COL24A1: variants seen among roughly 807,000 people sequenced by gnomAD.
The protein encoded by COL24A1 is collagen type XXIV alpha 1 chain, also known as collagen alpha-1(XXIV) chain.
COL24A1 carries 224 observed loss-of-function variants against 253.9 expected under a neutral mutation model. The observed-to-expected ratio is 0.88, with a 90% CI of 0.79 to 0.99. The LOEUF (loss-of-function observed/expected upper bound fraction) is 0.99, where lower values mean the gene tolerates loss of function less well. Ranked by LOEUF, COL24A1 falls within the 50% of genes least tolerant of loss-of-function variation. The pLI is 0.00. For synonymous variants in COL24A1, 685 were observed against 673.7 expected, an observed-to-expected ratio of 1.02 and a Z score of -0.26; for missense variants, 2,131 against 2,068.5, an observed-to-expected ratio of 1.03 and a Z score of -0.59.
chr1:86,081,860 G>A (rs1702663596), intron 7 of COL24A1, among the ~76,000 whole-genome samples: 1 of 152,160 alleles, frequency 6.6e-6, no homozygotes, highest in Non-Finnish European at 1.5e-5. Flanking sequence ...ACCAGACAAA[G>A]TAAGGACTGC....
intron 20 of COL24A1, among the ~76,000 whole-genome samples, chr1:85,977,080 G>T (rs936903353): frequency 6.6e-6 from 1 of 152,202 alleles, no homozygotes; most frequent in South Asian, 2.1e-4. Flanking sequence ...CCAGCCTGGA[G>T]CCTGGTAGCC....
intron 31 of COL24A1, among the ~76,000 whole-genome samples, chr1:85,891,382 A>G (rs1032281344): frequency 2.0e-5 from 3 of 152,108 alleles, no homozygotes; most frequent in Admixed American, 6.5e-5. Flanking sequence ...CATCTTCTAC[A>G]TTATTGATCT....
intron 1 of COL24A1, among the ~76,000 whole-genome samples, chr1:86,149,184 C>T (rs1207771201): frequency 6.6e-6 from 1 of 152,154 alleles, no homozygotes; most frequent in Non-Finnish European, 1.5e-5. Flanking sequence ...CATGAGCCAC[C>T]ATGCCTGGCC....
At chr1:85,840,045 C>A (rs779151760) in intron 42 of COL24A1, among the ~76,000 whole-genome samples, 2 of 152,156 alleles carry the variant, frequency 1.3e-5, no homozygotes, top group Non-Finnish European at 2.9e-5. Flanking sequence ...GACATGTCAA[C>A]ACTACAATCT....
chr1:85,837,053 A>G (rs112905890), intron 43 of COL24A1, among the ~76,000 whole-genome samples: 8 of 152,242 alleles, frequency 5.3e-5, no homozygotes, highest in African/African-American at 1.9e-4. Context: ...GACTGTGTGA[A>G]GAAGTCATGC....
intron 24 of COL24A1, among the ~76,000 whole-genome samples, chr1:85,911,876 G>T (rs1019150808): frequency 1.3e-5 from 2 of 152,038 alleles, no homozygotes; most frequent in African/African-American, 4.8e-5. Context: ...GAAATATTTG[G>T]TGCCTACTCT....
intron 7 of COL24A1, 21 bp downstream of exon 7, chr1:86,089,153 A>C (rs1703299653): frequency 6.4e-7 from 1 of 1,565,236 alleles, no homozygotes; most frequent in African/African-American, 1.4e-5. Flanking sequence ...AAAAAAGAAA[A>C]GAAGTAAAAT....
chr1:86,025,938 C>T (rs1378259014), intron 14 of COL24A1, among the ~76,000 whole-genome samples: 4 of 152,298 alleles, frequency 2.6e-5, no homozygotes, highest in African/African-American at 9.6e-5. Context: ...GAAGCCTACT[C>T]TGACTTTCTG....
At chr1:85,802,881 A>G (rs996610581) in intron 47 of COL24A1, among the ~76,000 whole-genome samples, 1 of 152,166 alleles carries the variant, frequency 6.6e-6, no homozygotes, top group Non-Finnish European at 1.5e-5. Context: ...AGATTCATTC[A>G]TGTTGAAGCA....
intron 31 of COL24A1, among the ~76,000 whole-genome samples, chr1:85,893,463 T>G (rs1571114352): frequency 6.6e-6 from 1 of 152,132 alleles, no homozygotes; most frequent in African/African-American, 2.4e-5. Flanking sequence ...CACAAACTGA[T>G]AGACTATCTA....
At chr1:85,976,547 C>A (rs1404737244) in intron 20 of COL24A1, among the ~76,000 whole-genome samples, 1 of 152,188 alleles carries the variant, frequency 6.6e-6, no homozygotes, top group Non-Finnish European at 1.5e-5. Context: ...TACTTCTCTA[C>A]CCGCCTAGTA....
chr1:85,733,906 ATT>A (rs112415867), intron 59 of COL24A1, among the ~76,000 whole-genome samples: 3 of 131,388 alleles, frequency 2.3e-5, no homozygotes, highest in Admixed American at 7.6e-5. Context: ...ATTTAATTTA[ATT>A]TTTTTTTTTT....
At chr1:85,943,200 G>A (rs1112327) in intron 24 of COL24A1, among the ~76,000 whole-genome samples, 17 of 152,024 alleles carry the variant, frequency 1.1e-4, no homozygotes, top group African/African-American at 2.7e-4. Context: ...ACCAGTACCC[G>A]CTATGTCCTG....
intron 7 of COL24A1, among the ~76,000 whole-genome samples, chr1:86,064,338 T>A (rs1267198955): frequency 6.6e-6 from 1 of 152,068 alleles, no homozygotes; most frequent in Non-Finnish European, 1.5e-5. Context: ...ATTTTCCAAA[T>A]AATAGAAGCA....
At position 86,092,272 on chromosome 1, in the gene COL24A1, C is replaced by T. The variant is rs760994877; in HGVS notation, c.1648G>A (p.Glu550Lys). 6.3e-6 allele frequency: 10 copies of T among 1,598,220 alleles called. No homozygotes were observed. The South Asian group carries it at 7.8e-5, about 12-fold the overall frequency. Residue 550 changes from glutamate (E) to lysine (K), a missense_variant, in exon 6 of 60, where the codon GAA becomes AAA. Coordinates refer to ENST00000370571, the MANE Select transcript of COL24A1 (RefSeq NM_152890.7). Reference protein sequence around the residue: ...GFSPGQPVPGEKGDQGLSGLM... With the variant: ...GFSPGQPVPGKKGDQGLSGLM... ...TTTCATGGTCAAATAATTACCTTTT[C>T]TCCAGGAACAGGTTGACCTGGGGAA...
At chr1:86,026,416 G>T (rs1332328399) in intron 14 of COL24A1, among the ~76,000 whole-genome samples, 2 of 152,088 alleles carry the variant, frequency 1.3e-5, no homozygotes, top group Non-Finnish European at 1.5e-5. Flanking sequence ...CAGATCATTG[G>T]GGAGGATTCC....
chr1:85,924,600 G>T (rs369291201), intron 24 of COL24A1, among the ~76,000 whole-genome samples: 2 of 152,040 alleles, frequency 1.3e-5, no homozygotes, highest in Non-Finnish European at 2.9e-5. Context: ...TGCAGAAAAG[G>T]CCTTTGACAA....
At chr1:85,924,784 C>A (rs1247928344) in intron 24 of COL24A1, among the ~76,000 whole-genome samples, 4 of 152,182 alleles carry the variant, frequency 2.6e-5, no homozygotes, top group Admixed American at 6.5e-5. Flanking sequence ...CCCTCTCTCA[C>A]CACTCTTATT....
At chr1:85,887,638 T>C (rs1318782646) in intron 32 of COL24A1, among the ~76,000 whole-genome samples, 2 of 152,200 alleles carry the variant, frequency 1.3e-5, no homozygotes. Flanking sequence ...TACAGAAGTA[T>C]AACTGGACTG....
Sources: gnomAD v4.1 joint callset for allele counts (sites outside exome capture counted in the v4.1 genomes callset) on GRCh38, gnomAD v4.1.1 for gene constraint, MANE v1.5 for transcripts, NCBI Gene and HGNC (gene_info 2026-07-23, HGNC 2026-07-21) for gene names.